The following ZNF407 variants were observed in gnomAD, a reference collection of about 807,000 sequenced individuals.
The protein encoded by ZNF407 is zinc finger protein 407.
Under a neutral mutation model 131.2 loss-of-function variants are expected in ZNF407, and 17 were observed. The observed-to-expected ratio is 0.13, with a 90% CI of 0.09 to 0.19. The LOEUF is 0.19. ZNF407 is among the 10% of genes least tolerant of loss of function. ZNF407 has a pLI of 1.00. For missense variants in ZNF407, 2,681 were observed against 2,830.6 expected, an observed-to-expected ratio of 0.95 and a Z score of 1.20; for synonymous variants, 1,156 against 1,062.0, an observed-to-expected ratio of 1.09 and a Z score of -1.72.
At chr18:74,716,174 G>A (rs1244826159) in intron 3 of ZNF407, among the ~76,000 whole-genome samples, 1 of 152,170 alleles carries the variant, frequency 6.6e-6, no homozygotes, top group African/African-American at 2.4e-5. Flanking sequence ...TATCTTGAGA[G>A]GTGATGCTGC....
intron 3 of ZNF407, among the ~76,000 whole-genome samples, chr18:74,670,424 T>C (rs1218071077): frequency 6.6e-6 from 1 of 152,196 alleles, no homozygotes; most frequent in Non-Finnish European, 1.5e-5. Flanking sequence ...TAGGATAGGC[T>C]TGGGATGAAT....
At chr18:74,665,623 A>T (rs528570440) in intron 3 of ZNF407, among the ~76,000 whole-genome samples, 1 of 152,328 alleles carries the variant, frequency 6.6e-6, no homozygotes, top group Non-Finnish European at 1.5e-5. Context: ...AGTCCCTGCC[A>T]TCTTCTTAAT....
chr18:74,763,359 A>G (rs1000010615), intron 3 of ZNF407, among the ~76,000 whole-genome samples: 4 of 151,642 alleles, frequency 2.6e-5, no homozygotes, highest in African/African-American at 9.7e-5. Flanking sequence ...TTTATTAAAC[A>G]TATGATTTGC....
intron 3 of ZNF407, among the ~76,000 whole-genome samples, chr18:74,716,710 G>A (rs571832034): frequency 6.6e-5 from 10 of 152,236 alleles, no homozygotes; most frequent in Admixed American, 2.0e-4. Context: ...AATATGAGAA[G>A]TGGTTCGAAA....
intron 8 of ZNF407, among the ~76,000 whole-genome samples, chr18:75,051,782 G>A (rs1315643996): frequency 6.6e-6 from 1 of 152,100 alleles, no homozygotes; most frequent in South Asian, 2.1e-4. Flanking sequence ...TCTGGGGGTC[G>A]GTCATCAGGT....
At chr18:74,916,360 G>GTGTGTA (rs1971762572) in intron 7 of ZNF407, among the ~76,000 whole-genome samples, 1 of 115,808 alleles carries the variant, frequency 8.6e-6, no homozygotes, top group Non-Finnish European at 1.7e-5. Context: ...GTGTGTGCGT[G>GTGTGTA]CATGTGTGTG....
chr18:74,960,734 G>A (rs1972332228), intron 8 of ZNF407, among the ~76,000 whole-genome samples: 1 of 147,924 alleles, frequency 6.8e-6, no homozygotes, highest in African/African-American at 2.5e-5. Flanking sequence ...TGTGGACTGG[G>A]TGGAGGGATA....
intron 4 of ZNF407, among the ~76,000 whole-genome samples, chr18:74,794,023 AC>A (rs749914319): frequency 1.3e-5 from 2 of 152,172 alleles, no homozygotes; most frequent in African/African-American, 2.4e-5. Context: ...GGAAATGGAG[AC>A]TTTTTGATAG....
chr18:74,632,619 G>A lies in ZNF407; in HGVS notation c.1600G>A (p.Gly534Arg), dbSNP rs781554422. The A allele has an allele frequency of 5.9e-5, 95 of 1,613,876 alleles. No individual in the cohort carries two copies. The Admixed American group carries it at 1.6e-3, about 27-fold the overall frequency. The change falls in exon 2 of 9, where the codon GGG becomes AGG. Residue 534 changes from glycine to arginine, a missense_variant. Gly to Arg is a moderately radical substitution (Grantham distance 125). Around this residue, in one of 6 missense-constraint regions of ZNF407, gnomAD observed 1,789 missense variants for 1,748.7 expected, o/e 1.02. Coordinates refer to ENST00000299687, the MANE Select transcript of ZNF407 (RefSeq NM_017757.3). ...SQTLCACTDC[G>R]QVATNRTDLE... ...GACGTTGTGTGCTTGTACAGACTGT[G>A]GGCAAGTAGCTACAAATAGGACAGA...
Position 74,632,894 on chromosome 18 carries a change from G to C in ZNF407, c.1875G>C (p.Leu625Phe). The C allele has an allele frequency of 6.2e-7, 1 of 1,613,178 alleles. No individual in the cohort carries two copies. The highest frequency in any genetic ancestry group is 1.1e-5 in the South Asian group (1 of 91,058). The change falls in exon 2 of 9, where the codon TTG (leucine) becomes TTC (phenylalanine). Residue 625 changes from leucine to phenylalanine, a missense_variant. Coordinates refer to ENST00000299687, the MANE Select transcript of ZNF407 (RefSeq NM_017757.3). ...GCACCCCTTGTAATCTGTTCTTTTT[G>C]TCTGAAAAAGATGTGGAAGAACACA... is the stretch of plus-strand genomic sequence containing the variant. The part of the protein sequence containing the change: ...FLCTPCNLFF[L>F]SEKDVEEHKA...
chr18:74,948,264 G>T (rs77112478), intron 8 of ZNF407, among the ~76,000 whole-genome samples: 1 of 152,084 alleles, frequency 6.6e-6, no homozygotes, highest in Admixed American at 6.5e-5. Flanking sequence ...CACTTTATGT[G>T]CCATGGGAGT....
intron 8 of ZNF407, among the ~76,000 whole-genome samples, chr18:74,925,459 T>C (rs1417397254): frequency 6.6e-6 from 1 of 152,234 alleles, no homozygotes; most frequent in Admixed American, 6.5e-5. Flanking sequence ...TAAAGTCTTT[T>C]GTCTTAACCA....
At chr18:74,677,253 G>A (rs1282032206) in intron 3 of ZNF407, among the ~76,000 whole-genome samples, 3 of 152,106 alleles carry the variant, frequency 2.0e-5, no homozygotes, top group Non-Finnish European at 4.4e-5. Flanking sequence ...TGCACACCAG[G>A]TTAATTTCTG....
At chr18:74,813,504 G>C (rs371162270) in intron 4 of ZNF407, among the ~76,000 whole-genome samples, 3 of 152,162 alleles carry the variant, frequency 2.0e-5, no homozygotes, top group African/African-American at 7.2e-5. Flanking sequence ...AGCCAGTGTC[G>C]TGGGAAGACC....
intron 8 of ZNF407, among the ~76,000 whole-genome samples, chr18:74,947,522 G>A (rs1972166597): frequency 6.6e-6 from 1 of 152,180 alleles, no homozygotes; most frequent in African/African-American, 2.4e-5. Flanking sequence ...GGACGTGAAA[G>A]TAACGGAAGC....
At chr18:74,655,531 T>C (rs1388185458) in intron 3 of ZNF407, among the ~76,000 whole-genome samples, 1 of 152,118 alleles carries the variant, frequency 6.6e-6, no homozygotes, top group Non-Finnish European at 1.5e-5. Context: ...TTGACTCTTA[T>C]CCCTTATTCA....
rs115101718 is a variant in ZNF407, at chr18:74,726,054, C to T, written c.4803-55374C>T. Among the ~76,000 whole-genome samples, 473 of 152,080 alleles carry T rather than the reference C, an allele frequency of 3.1e-3. 4 individuals are homozygous for T. The highest frequency in any genetic ancestry group is 0.014 in the Middle Eastern group (4 of 294). ...CATTGTGCCCAGCTATTGTAGGGGG[C>T]GATGGTTAAATAATGGTAATATACT... On this transcript the variant is annotated intron_variant, in intron 3 of 8. Transcript: ENST00000299687.
chr18:74,883,278 C>T (rs1422585096), intron 6 of ZNF407, among the ~76,000 whole-genome samples: 1 of 152,192 alleles, frequency 6.6e-6, no homozygotes, highest in African/African-American at 2.4e-5. Flanking sequence ...CAGCTAGGCA[C>T]AACTCAGTCT....
At chr18:74,618,351 CT>C (rs1376637502) in intron 1 of ZNF407, among the ~76,000 whole-genome samples, 2 of 152,176 alleles carry the variant, frequency 1.3e-5, no homozygotes, top group Non-Finnish European at 2.9e-5. Context: ...TCCTTGTTAA[CT>C]GGCCATCCTT....
Sources: allele counts gnomAD v4.1 joint callset (sites outside exome capture counted in the v4.1 genomes callset), GRCh38; gene constraint gnomAD v4.1.1; regional missense constraint gnomAD v4.1.1; transcripts MANE v1.5; gene names NCBI Gene and HGNC (gene_info 2026-07-23, HGNC 2026-07-21).